Variants in EPB41L4B observed in about 807,000 individuals in gnomAD.
EPB41L4B encodes the protein band 4.1-like protein 4B.
A neutral mutation model predicts 112.5 loss-of-function variants in EPB41L4B; 30 were observed. That is an observed-to-expected ratio of 0.27 (90% CI 0.20 to 0.36). EPB41L4B has a LOEUF of 0.36. Among genes scored for constraint, EPB41L4B ranks in the 10% least tolerant of loss-of-function variants. EPB41L4B has a pLI of 1.00. For missense variants in EPB41L4B, 1,024 were observed against 1,133.3 expected, an observed-to-expected ratio of 0.90 and a Z score of 1.38; for synonymous variants, 408 against 439.7, an observed-to-expected ratio of 0.93 and a Z score of 0.90.
intron 1 of EPB41L4B, among the ~76,000 whole-genome samples, chr9:109,290,091 C>T (rs2119176383): frequency 6.6e-6 from 1 of 152,258 alleles, no homozygotes; most frequent in Non-Finnish European, 1.5e-5. Context: ...CACAGTTGTA[C>T]CACATGGGGC....
At chr9:109,211,246 G>A (rs1312890616) in intron 17 of EPB41L4B, among the ~76,000 whole-genome samples, 1 of 151,934 alleles carries the variant, frequency 6.6e-6, no homozygotes, top group Non-Finnish European at 1.5e-5. Flanking sequence ...AAGTGAGAAG[G>A]GAGATCTGTT....
At position 109,172,640 on chromosome 9, in the gene EPB41L4B, A is replaced by T. The variant is rs1033748415; in HGVS notation, c.*1914T>A. ...AAAGGGGCTGATGTTTATAATCATG[A>T]CCATGACTCATCAAGAAAAGGTTAA... On this transcript the variant is annotated 3_prime_UTR_variant, in exon 26 of 26. Coordinates refer to ENST00000374566, the MANE Select transcript of EPB41L4B (RefSeq NM_019114.5). 2.0e-5 allele frequency: 3 copies of T among 152,214 alleles called. No homozygotes were observed. The East Asian group carries it at 5.8e-4, about 29-fold the overall frequency. 9.4% of individuals were successfully genotyped at this position (152,214 alleles called of 1,614,324 possible).
At chr9:109,221,679 A>G (rs1017489971) in intron 15 of EPB41L4B, among the ~76,000 whole-genome samples, 1 of 152,252 alleles carries the variant, frequency 6.6e-6, no homozygotes, top group Non-Finnish European at 1.5e-5. Context: ...TGTCATTAAT[A>G]GAAAAAAAGA....
intron 1 of EPB41L4B, chr9:109,301,280 G>A (rs570101030): frequency 6.6e-6 from 1 of 152,326 alleles, no homozygotes; most frequent in Non-Finnish European, 1.5e-5. Flanking sequence ...CTGTCACTCA[G>A]CTTTGACAAT....
intron 18 of EPB41L4B, among the ~76,000 whole-genome samples, chr9:109,206,419 G>C (rs536816780): frequency 1.3e-5 from 2 of 152,348 alleles, no homozygotes; most frequent in South Asian, 4.1e-4. Context: ...CTGGCCTCAA[G>C]TGATCCACCC....
chr9:109,186,338 C>T (rs529608771), intron 22 of EPB41L4B, among the ~76,000 whole-genome samples: 36 of 152,134 alleles, frequency 2.4e-4, no homozygotes, highest in African/African-American at 7.9e-4. Flanking sequence ...CAGGTATGCA[C>T]CACCATGCCC....
intron 15 of EPB41L4B, among the ~76,000 whole-genome samples, chr9:109,237,453 T>C (rs972202096): frequency 9.2e-5 from 14 of 152,230 alleles, no homozygotes; most frequent in Non-Finnish European, 2.9e-5. Flanking sequence ...AGTTATGGAA[T>C]AGTGAGTGTG....
At chr9:109,274,750 T>A (rs1442734836) in intron 2 of EPB41L4B, among the ~76,000 whole-genome samples, 1 of 152,244 alleles carries the variant, frequency 6.6e-6, no homozygotes, top group Non-Finnish European at 1.5e-5. Context: ...GAATCCTGGC[T>A]TTAACCTTTA....
chr9:109,201,075 T>C (rs1241629985), intron 19 of EPB41L4B, among the ~76,000 whole-genome samples: 1 of 152,204 alleles, frequency 6.6e-6, no homozygotes, highest in Non-Finnish European at 1.5e-5. Context: ...GTTGAGGTCC[T>C]TGAAAGGGAC....
chr9:109,216,560 G>C (rs1002805437), intron 16 of EPB41L4B, among the ~76,000 whole-genome samples: 1 of 151,470 alleles, frequency 6.6e-6, no homozygotes, highest in Non-Finnish European at 1.5e-5. Flanking sequence ...AGAATTGCTC[G>C]GACCTGGGAG....
intron 1 of EPB41L4B, among the ~76,000 whole-genome samples, chr9:109,292,518 G>C (rs1836570841): frequency 1.3e-5 from 2 of 152,166 alleles, no homozygotes; most frequent in Non-Finnish European, 2.9e-5. Context: ...AATCCCTCAT[G>C]AATGGGAATG....
chr9:109,263,847 T>C lies in EPB41L4B; in HGVS notation c.579-745A>G, dbSNP rs138158924. Among the ~76,000 whole-genome samples, 640 of 152,322 alleles carry C rather than the reference T, an allele frequency of 4.2e-3. 3 individuals are homozygous for C. The highest frequency in any genetic ancestry group is 0.015 in the African/African-American group (622 of 41,560). On this transcript the variant is annotated intron_variant, in intron 5 of 25. Transcript: ENST00000374566. Reference sequence around the variant, plus strand: ...TGTTAAGGGCTCTTGCCCCAGGTCATCCAGCTGGAAAGGAGCAATGTTGGG... The same window carrying C: ...TGTTAAGGGCTCTTGCCCCAGGTCACCCAGCTGGAAAGGAGCAATGTTGGG...
chr9:109,183,194 G>A (rs981345817), intron 23 of EPB41L4B, among the ~76,000 whole-genome samples: 1 of 152,200 alleles, frequency 6.6e-6, no homozygotes, highest in African/African-American at 2.4e-5. Context: ...CCATAGCTGT[G>A]GGAATGGCCT....
At position 109,241,406 on chromosome 9, in the gene EPB41L4B, A is replaced by G. The variant is rs138977583; in HGVS notation, c.1409+2212T>C. 915 of 1,227,296 alleles carry G rather than the reference A, an allele frequency of 7.5e-4. 6 individuals carry two copies. The African/African-American group carries it at 0.013, about 17-fold the overall frequency. 76.0% of individuals were successfully genotyped at this position (1,227,296 alleles called of 1,614,324 possible). On this transcript the variant is annotated intron_variant, in intron 15 of 25. Coordinates refer to ENST00000374566, the MANE Select transcript of EPB41L4B (RefSeq NM_019114.5). ...AGTAAAATGATAAACATAGACTTTG[A>G]CTCCAATTTTAAAATCAGAACATCA...
chr9:109,202,843 G>A (rs1357259619), intron 19 of EPB41L4B, among the ~76,000 whole-genome samples: 1 of 152,148 alleles, frequency 6.6e-6, no homozygotes, highest in Admixed American at 6.6e-5. Flanking sequence ...AGTTACACTT[G>A]TACCCCATAA....
chr9:109,209,646 C>CAAAAA (rs34135848), intron 17 of EPB41L4B, among the ~76,000 whole-genome samples: 7 of 134,656 alleles, frequency 5.2e-5, no homozygotes, highest in Admixed American at 7.3e-5. Context: ...AACCCTGTCT[C>CAAAAA]AAAAAAAAAA....
chr9:109,287,340 G>A (rs1836328027), intron 1 of EPB41L4B, among the ~76,000 whole-genome samples: 1 of 152,186 alleles, frequency 6.6e-6, no homozygotes, highest in African/African-American at 2.4e-5. Context: ...ATGTCTGACT[G>A]CAACCTGACC....
chr9:109,281,150 A>G (rs1836020655), intron 1 of EPB41L4B, among the ~76,000 whole-genome samples: 1 of 151,492 alleles, frequency 6.6e-6, no homozygotes, highest in Admixed American at 6.6e-5. Flanking sequence ...TTTGCTTCAA[A>G]GGACATGGAG....
chr9:109,285,789 G>A (rs1192055720), intron 1 of EPB41L4B, among the ~76,000 whole-genome samples: 1 of 152,092 alleles, frequency 6.6e-6, no homozygotes, highest in East Asian at 1.9e-4. Flanking sequence ...CCCACCCGGG[G>A]CAACCCCTAC....
Sources: allele counts gnomAD v4.1 joint callset (sites outside exome capture counted in the v4.1 genomes callset), GRCh38; gene constraint gnomAD v4.1.1; transcripts MANE v1.5; gene names NCBI Gene and HGNC (gene_info 2026-07-23, HGNC 2026-07-21).